The following TIMM17A variants were observed in gnomAD, a reference collection of about 807,000 sequenced individuals.
The protein encoded by TIMM17A is mitochondrial import inner membrane translocase subunit Tim17-A.
In TIMM17A, 15 loss-of-function variants were observed where a neutral mutation model predicts 26.5. The observed-to-expected ratio is 0.57, with a 90% CI of 0.38 to 0.87. The LOEUF (loss-of-function observed/expected upper bound fraction) is 0.87. TIMM17A is among the 40% of genes least tolerant of loss of function. The pLI is 0.00. For missense variants in TIMM17A, 201 were observed against 210.0 expected (o/e 0.96, Z 0.27); for synonymous variants, 80 against 70.8 (o/e 1.13, Z -0.66).
chr1:201,956,114 T>G (rs1682405141), intron 1 of TIMM17A, among the ~76,000 whole-genome samples: 1 of 152,190 alleles, frequency 6.6e-6, no homozygotes, highest in African/African-American at 2.4e-5. Context: ...TTCTTGGAAT[T>G]CTTTCTTGAG....
chr1:201,966,266 G>T (rs142827346), intron 5 of TIMM17A, among the ~76,000 whole-genome samples: 156 of 152,214 alleles, frequency 1.0e-3, no homozygotes, highest in African/African-American at 3.5e-3. Flanking sequence ...TACTCAGGAG[G>T]CACGAGAATC....
At chr1:201,963,766 A>C (rs1313654103) in intron 4 of TIMM17A, 22 bp downstream of exon 4, 3 of 1,573,312 alleles carry the variant, frequency 1.9e-6, no homozygotes, top group Non-Finnish European at 2.6e-6. Flanking sequence ...TTACAGACAT[A>C]CTAGTAGAAG....
intron 3 of TIMM17A, among the ~76,000 whole-genome samples, chr1:201,959,338 A>C (rs1240131420): frequency 1.3e-5 from 2 of 151,752 alleles, no homozygotes; most frequent in African/African-American, 4.8e-5. Flanking sequence ...GCGGGGTGAC[A>C]GAGCAAGACT....
intron 5 of TIMM17A, among the ~76,000 whole-genome samples, chr1:201,966,975 TTGTATATTATATATGTTG>T (rs1242865007): frequency 3.6e-5 from 5 of 138,976 alleles, no homozygotes; most frequent in Non-Finnish European, 7.8e-5. Flanking sequence ...ATTATATATG[TTGTATATTATATATGTTG>T]TGTGTGTGTG....
intron 3 of TIMM17A, among the ~76,000 whole-genome samples, chr1:201,959,558 G>T (rs1481542761): frequency 1.3e-5 from 2 of 152,090 alleles, no homozygotes; most frequent in Non-Finnish European, 2.9e-5. Flanking sequence ...GGAGGCTGAG[G>T]CAGGAGAATC....
intron 5 of TIMM17A, among the ~76,000 whole-genome samples, chr1:201,968,881 T>C (rs1289149077): frequency 7.9e-6 from 1 of 127,270 alleles, no homozygotes; most frequent in Non-Finnish European, 1.9e-5. Context: ...CCCCTAAAAG[T>C]CTTTTTTTTT....
chr1:201,963,006 A>G (rs1349513428), intron 3 of TIMM17A: 2 of 152,242 alleles, frequency 1.3e-5, no homozygotes, highest in Non-Finnish European at 2.9e-5. Flanking sequence ...TAAACCAGAG[A>G]GATATGTTAT....
chr1:201,958,426 G>A (rs1343056111), intron 3 of TIMM17A, among the ~76,000 whole-genome samples: 2 of 152,254 alleles, frequency 1.3e-5, no homozygotes, highest in Non-Finnish European at 2.9e-5. Context: ...GTCAGGGTTG[G>A]GCGCAATGGC....
intron 1 of TIMM17A, among the ~76,000 whole-genome samples, chr1:201,956,554 C>T (rs1682413698): frequency 6.6e-6 from 1 of 152,210 alleles, no homozygotes; most frequent in South Asian, 2.1e-4. Flanking sequence ...ATCCTCCATT[C>T]TGGATTGTGC....
Position 201,969,531 on chromosome 1 carries a change from G to A in TIMM17A, c.493G>A (p.Gly165Arg), listed in dbSNP as rs1204496932. The change falls in exon 6 of 6, where the codon GGA becomes AGA. Residue 165 changes from glycine (G) to arginine (R), a missense_variant. Transcript: ENST00000367287. ...AACTCAGTTACCTTCCTCACCTTTTGGAGACTATCGACAATATCAGTAGGA... is the reference window on the plus strand; with the variant it reads ...AACTCAGTTACCTTCCTCACCTTTTAGAGACTATCGACAATATCAGTAGGA... Reference protein sequence around the residue: ...PSTQLPSSPFGDYRQYQ With the variant: ...PSTQLPSSPFRDYRQYQ The A allele has an allele frequency of 1.9e-6, 3 of 1,613,872 alleles. No individual in the cohort carries two copies. The highest frequency in any genetic ancestry group is 2.7e-5 in the African/African-American group (2 of 75,026).
At chr1:201,967,093 A>G (rs1187168516) in intron 5 of TIMM17A, among the ~76,000 whole-genome samples, 1 of 151,254 alleles carries the variant, frequency 6.6e-6, no homozygotes, top group Non-Finnish European at 1.5e-5. Flanking sequence ...TAGAATAGTG[A>G]GACATGTTGA....
intron 3 of TIMM17A, among the ~76,000 whole-genome samples, chr1:201,960,589 G>A (rs1022800479): frequency 1.3e-5 from 2 of 152,112 alleles, no homozygotes; most frequent in Non-Finnish European, 2.9e-5. Flanking sequence ...CTAGAGGTTA[G>A]CCTTTTTTAG....
chr1:201,964,926 G>T (rs1682602658), intron 4 of TIMM17A, among the ~76,000 whole-genome samples: 1 of 150,768 alleles, frequency 6.6e-6, no homozygotes, highest in Non-Finnish European at 1.5e-5. Context: ...GGGATTACGG[G>T]CGTGAGCCAC....
chr1:201,966,991 T>TTGTGTGTGTGTGTGTGTG (rs759557626), intron 5 of TIMM17A, among the ~76,000 whole-genome samples: 150 of 133,098 alleles, frequency 1.1e-3, no homozygotes, highest in East Asian at 6.0e-3. Context: ...ATTATATATG[T>TTGTGTGTGTGTGTGTGTG]TGTGTGTGTG....
Position 201,969,646 on chromosome 1 carries a change from G to C in TIMM17A, c.*92G>C. On this transcript the variant is annotated 3_prime_UTR_variant, in exon 6 of 6. Coordinates refer to ENST00000367287, the MANE Select transcript of TIMM17A (RefSeq NM_006335.3). ...TTACAGTCTGTTTTTAAAACCATAG[G>C]TGGGACAGCTATGGCCAATAGGCTA... is the stretch of plus-strand genomic sequence containing the variant. 3 of 1,097,862 alleles carry C rather than the reference G, an allele frequency of 2.7e-6. No homozygotes were observed. Among genetic ancestry groups the C allele is most frequent in the Non-Finnish European group, 4.2e-6 (3 of 720,926 alleles). 68.0% of individuals were successfully genotyped at this position (1,097,862 alleles called of 1,614,324 possible). A position where few individuals can be genotyped will look rare whatever the true frequency, so the allele number is the denominator to read the frequency against.
At chr1:201,959,520 G>A (rs1682484746) in intron 3 of TIMM17A, among the ~76,000 whole-genome samples, 2 of 151,268 alleles carry the variant, frequency 1.3e-5, no homozygotes, top group Admixed American at 1.3e-4. Context: ...TGGGCATGGT[G>A]GCACGTGCCT....
rs1277768622 is a variant in TIMM17A at position 201,970,577 on chromosome 1, T to C, written c.*1023T>C. The C allele has an allele frequency of 1.1e-4, 16 of 152,246 alleles. No homozygotes were observed. The highest frequency in any genetic ancestry group is 9.8e-4 in the Admixed American group (15 of 15,282). 9.4% of individuals were successfully genotyped at this position (152,246 alleles called of 1,614,324 possible). A position where few individuals can be genotyped will look rare whatever the true frequency, so the allele number is the denominator to read the frequency against. ...ATCTTTTGGCCCAATGCCATACATA[T>C]GGTAGGCATTTAATTACTGATTGTG... On this transcript the variant is annotated 3_prime_UTR_variant, in exon 6 of 6. Coordinates refer to ENST00000367287, the MANE Select transcript of TIMM17A (RefSeq NM_006335.3).
In TIMM17A at chr1:201,957,313, C is replaced by G. The variant is rs11555417; in HGVS notation, c.59C>G (p.Ala20Gly). The G allele has an allele frequency of 6.2e-7, 1 of 1,613,556 alleles. No homozygotes were observed. Among genetic ancestry groups the G allele is most frequent in the African/African-American group, 1.3e-5 (1 of 74,848 alleles). ...PWRIVDDCGG[A>G]FTMGTIGGGI... ...CGAATTGTGGATGACTGTGGTGGGG[C>G]CTTTACGATGGGTACCATTGGTGGT... is the stretch of plus-strand genomic sequence containing the variant. The change falls in exon 2 of 6, where the codon GCC (alanine) becomes GGC (glycine). Residue 20 changes from alanine (A) to glycine (G), a missense_variant. Ala to Gly is a moderately conservative substitution (Grantham distance 60, BLOSUM62 0). Coordinates refer to ENST00000367287, the MANE Select transcript of TIMM17A (RefSeq NM_006335.3).
At chr1:201,961,926 C>G (rs775640174) in intron 3 of TIMM17A, among the ~76,000 whole-genome samples, 13 of 152,034 alleles carry the variant, frequency 8.6e-5, no homozygotes, top group Admixed American at 2.0e-4. Flanking sequence ...AGGCTGCCTT[C>G]CTTGAGAATC....
Sources: allele counts gnomAD v4.1 joint callset (sites outside exome capture counted in the v4.1 genomes callset), GRCh38; gene constraint gnomAD v4.1.1; transcripts MANE v1.5; gene names NCBI Gene and HGNC (gene_info 2026-07-23, HGNC 2026-07-21).